Variants in LARGE1 observed in about 807,000 individuals in gnomAD.
LARGE1 encodes the protein LARGE xylosyl- and glucuronyltransferase 1.
In LARGE1, 43 loss-of-function variants were observed where a neutral mutation model predicts 87.6. The ratio of observed to expected loss-of-function variants is 0.49; its 90% CI spans 0.38 to 0.63. The LOEUF is 0.63. Among genes scored for constraint, LARGE1 ranks in the 30% least tolerant of loss-of-function variants. LARGE1 has a pLI of 0.00. For missense variants in LARGE1, 802 were observed against 1,000.2 expected (o/e 0.80, Z 2.67); for synonymous variants, 434 against 394.6 (o/e 1.10, Z -1.18).
chr22:33,670,968 G>T (rs1191830669), intron 2 of LARGE1, among the ~76,000 whole-genome samples: 1 of 152,048 alleles, frequency 6.6e-6, no homozygotes, highest in African/African-American at 2.4e-5. Flanking sequence ...GATGCCAAAG[G>T]CACCAAAAAA....
At chr22:33,866,970 T>C (rs372992987) in intron 1 of LARGE1, among the ~76,000 whole-genome samples, 11 of 152,218 alleles carry the variant, frequency 7.2e-5, no homozygotes, top group African/African-American at 2.4e-4. Flanking sequence ...CACCAACATG[T>C]CCAGCATATT....
intron 12 of LARGE1, among the ~76,000 whole-genome samples, chr22:33,287,367 C>A (rs1032948942): frequency 6.6e-6 from 1 of 152,218 alleles, no homozygotes; most frequent in African/African-American, 2.4e-5. Flanking sequence ...GCATAGATAG[C>A]ACCAGATTCC....
intron 2 of LARGE1, among the ~76,000 whole-genome samples, chr22:33,756,472 T>A (rs756674455): frequency 1.1e-4 from 17 of 151,782 alleles, no homozygotes; most frequent in Non-Finnish European, 2.1e-4. Context: ...TAGTTAAGGG[T>A]CAGGAGCAAT....
chr22:33,781,394 G>T (rs532645517), intron 1 of LARGE1, among the ~76,000 whole-genome samples: 1 of 152,046 alleles, frequency 6.6e-6, no homozygotes, highest in Non-Finnish European at 1.5e-5. Flanking sequence ...CCAGCTACTC[G>T]GGAGGCTGAG....
intron 6 of LARGE1, among the ~76,000 whole-genome samples, chr22:33,494,642 A>G (rs1442050553): frequency 6.6e-6 from 1 of 152,154 alleles, no homozygotes; most frequent in African/African-American, 2.4e-5. Context: ...CAACTACCCT[A>G]ACAGGTAGGC....
At chr22:33,089,344 TCTTCTTCTTCTTCTTCTTCTTCTTCTC>T in the LARGE1 span, among the ~76,000 whole-genome samples, 137 of 75,102 alleles carry the variant, frequency 1.8e-3, 1 homozygote, top group African/African-American at 7.6e-3. Flanking sequence ...TTCTTCTTCT[TCTTCTTCTTCTTCTTCTTCTTCTTCTC>T]CTTCTTCTTC....
intron 4 of LARGE1, among the ~76,000 whole-genome samples, chr22:33,619,702 G>A (rs6518833): frequency 0.7 from 106,746 of 152,034 alleles, 37,495 homozygotes; most frequent in Admixed American, 0.77. Context: ...CTTGAGCCAC[G>A]ACTTACCATC....
chr22:33,213,235 T>G (rs530483585), intron 11 of LARGE1, among the ~76,000 whole-genome samples: 15 of 152,178 alleles, frequency 9.9e-5, no homozygotes, highest in Non-Finnish European at 1.6e-4. Flanking sequence ...TAATAAAGCT[T>G]GAATGGATAA....
chr22:33,677,707 G>A (rs2081623826), intron 2 of LARGE1, among the ~76,000 whole-genome samples: 1 of 152,130 alleles, frequency 6.6e-6, no homozygotes, highest in Non-Finnish European at 1.5e-5. Flanking sequence ...GTCGACATGG[G>A]AACAAGGATG....
chr22:33,853,138 A>G (rs2063659607), intron 1 of LARGE1, among the ~76,000 whole-genome samples: 1 of 152,190 alleles, frequency 6.6e-6, no homozygotes, highest in African/African-American at 2.4e-5. Context: ...CATTTCAGAT[A>G]TGCGACAACT....
At chr22:33,500,604 A>C (rs1254844994) in intron 6 of LARGE1, among the ~76,000 whole-genome samples, 5 of 152,180 alleles carry the variant, frequency 3.3e-5, no homozygotes, top group Admixed American at 3.3e-4. Context: ...CCTGACTCTA[A>C]CTGCAGAATC....
intron 13 of LARGE1, among the ~76,000 whole-genome samples, chr22:33,282,744 GCTCAAAGAACAGACCA>G (rs1930696800): frequency 6.6e-6 from 1 of 152,170 alleles, no homozygotes; most frequent in Non-Finnish European, 1.5e-5. Context: ...GGCCTCAGGG[GCTCAAAGAACAGACCA>G]CTCATACCAC....
At chr22:33,099,027 C>T in the LARGE1 span, among the ~76,000 whole-genome samples, 2 of 152,124 alleles carry the variant, frequency 1.3e-5, no homozygotes, top group African/African-American at 2.4e-5. Context: ...TCTAACCACC[C>T]CTTTGAGTTA....
At chr22:33,649,077 T>A (rs905349872) in intron 3 of LARGE1, among the ~76,000 whole-genome samples, 1 of 152,328 alleles carries the variant, frequency 6.6e-6, no homozygotes, top group Non-Finnish European at 1.5e-5. Context: ...ACATCGTTCC[T>A]ACTCATATGA....
intron 2 of LARGE1, among the ~76,000 whole-genome samples, chr22:33,684,147 C>T (rs2081872141): frequency 6.6e-6 from 1 of 152,128 alleles, no homozygotes; most frequent in South Asian, 2.1e-4. Context: ...TCAGCAACAA[C>T]AGAAATCATT....
chr22:33,135,398 C>T, the LARGE1 span, among the ~76,000 whole-genome samples: 9 of 152,018 alleles, frequency 5.9e-5, no homozygotes, highest in Non-Finnish European at 8.8e-5. Context: ...GATAAAAGAC[C>T]GAGATCCTTG....
At chr22:33,381,831 AC>A in intron 9 of LARGE1, 87 bp downstream of exon 9, 3 of 1,530,234 alleles carry the variant, frequency 2.0e-6, no homozygotes, top group Non-Finnish European at 2.7e-6. Context: ...ACCACATTGC[AC>A]ATAAATCTCC....
intron 4 of LARGE1, among the ~76,000 whole-genome samples, chr22:33,606,120 T>C (rs2079252206): frequency 6.6e-6 from 1 of 152,054 alleles, no homozygotes; most frequent in Non-Finnish European, 1.5e-5. Context: ...ATTAAAACAG[T>C]TTGGACAGGG....
At chr22:33,534,695 G>T (rs899726479) in intron 6 of LARGE1, among the ~76,000 whole-genome samples, 5 of 152,214 alleles carry the variant, frequency 3.3e-5, no homozygotes, top group African/African-American at 1.2e-4. Flanking sequence ...GGCTGCCCCA[G>T]TGCTGGTTCT....
Sources: gnomAD v4.1 joint callset for allele counts (sites outside exome capture counted in the v4.1 genomes callset) on GRCh38, gnomAD v4.1.1 for gene constraint, MANE v1.5 for transcripts, NCBI Gene and HGNC (gene_info 2026-07-23, HGNC 2026-07-21) for gene names.